The following SLC5A7 variants were observed in gnomAD, a reference collection of about 807,000 sequenced individuals.
The protein encoded by SLC5A7 is high affinity choline transporter 1.
A neutral mutation model predicts 55.4 loss-of-function variants in SLC5A7; 19 were observed. The observed-to-expected ratio is 0.34, with a 90% CI of 0.24 to 0.50. The LOEUF (loss-of-function observed/expected upper bound fraction) is 0.50. SLC5A7 is among the 20% of genes least tolerant of loss of function. The pLI, the probability that SLC5A7 is intolerant of heterozygous loss-of-function variation, is 0.98. For synonymous variants in SLC5A7, 265 were observed against 263.7 expected, an observed-to-expected ratio of 1.00 and a Z score of -0.05; for missense variants, 506 against 705.3, an observed-to-expected ratio of 0.72 and a Z score of 3.20.
intron 6 of SLC5A7, among the ~76,000 whole-genome samples, chr2:108,005,497 G>A (rs796400860): frequency 1.7e-4 from 26 of 152,316 alleles, no homozygotes; most frequent in African/African-American, 6.3e-4. Context: ...AATAATTGCT[G>A]TATGTAATTA....
intron 4 of SLC5A7, among the ~76,000 whole-genome samples, chr2:107,994,513 G>A (rs1367927510): frequency 2.6e-5 from 4 of 152,140 alleles, no homozygotes; most frequent in African/African-American, 7.2e-5. Context: ...GTGAACCCGG[G>A]AGGCAGAGCT....
chr2:107,989,648 C>T (rs943660773), intron 2 of SLC5A7, among the ~76,000 whole-genome samples: 4 of 152,248 alleles, frequency 2.6e-5, no homozygotes, highest in South Asian at 4.2e-4. Context: ...GCAAGTACTG[C>T]GTCATGCTGG....
At position 108,010,440 on chromosome 2, in the gene SLC5A7, C is replaced by T. The variant is rs754554826; in HGVS notation, c.1322C>T (p.Ser441Phe). ...NTYGAVAGYV[S>F]GLFLRITGGE... The stretch of plus-strand genomic sequence containing the variant: ...TATGGGGCCGTGGCAGGTTATGTTT[C>T]TGGCCTCTTCCTGAGAATAACTGGA... The change falls in exon 9 of 9, where the codon TCT becomes TTT. Residue 441 changes from serine to phenylalanine, a missense_variant. Transcript: ENST00000264047. 1.6e-5 allele frequency: 26 copies of T among 1,613,786 alleles called. No homozygotes were observed. The Admixed American group carries it at 2.5e-4, about 16-fold the overall frequency.
At position 108,011,812 on chromosome 2, in the gene SLC5A7, C is replaced by T. The variant is rs545273673; in HGVS notation, c.*951C>T. On this transcript the variant is annotated 3_prime_UTR_variant, in exon 9 of 9. Coordinates refer to ENST00000264047, the MANE Select transcript of SLC5A7 (RefSeq NM_021815.5). Reference sequence around the variant, plus strand: ...AATGAGAGGCACACTGCTAAATTTACGTATATTTCATTGAATACTTTATGG... The same window carrying T: ...AATGAGAGGCACACTGCTAAATTTATGTATATTTCATTGAATACTTTATGG... 2 of 152,102 alleles carry T rather than the reference C, an allele frequency of 1.3e-5. No homozygotes were observed. Among genetic ancestry groups the T allele is most frequent in the African/African-American group, 2.4e-5 (1 of 41,424 alleles). 9.4% of individuals were successfully genotyped at this position (152,102 alleles called of 1,614,324 possible).
intron 6 of SLC5A7, 104 bp downstream of exon 6, chr2:108,002,144 A>T (rs1417353418): frequency 4.4e-6 from 6 of 1,357,338 alleles, no homozygotes; most frequent in Admixed American, 2.2e-5. Flanking sequence ...TTGTGGGCTC[A>T]TGGCCATTTC....
rs550627398 is a variant in SLC5A7 at position 108,013,663 on chromosome 2, A to C, written c.*2802A>C. On this transcript the variant is annotated 3_prime_UTR_variant, in exon 9 of 9. Coordinates refer to ENST00000264047, the MANE Select transcript of SLC5A7 (RefSeq NM_021815.5). ...GAAACATTTAGACAATGGCTATATT[A>C]ATCTGGGAAGGCAACACCTGTGGAT... 1 of 152,314 alleles carries C rather than the reference A, an allele frequency of 6.6e-6. No homozygotes were observed. Among genetic ancestry groups the C allele is most frequent in the South Asian group, 2.1e-4 (1 of 4,832 alleles). The allele number at this position is 152,314 out of a possible 1,614,324, so 9.4% of individuals were successfully genotyped here.
At chr2:108,001,672 C>CAAAA (rs71309338) in intron 5 of SLC5A7, among the ~76,000 whole-genome samples, 5 of 75,402 alleles carry the variant, frequency 6.6e-5, no homozygotes, top group Non-Finnish European at 1.2e-4. Flanking sequence ...GACTCCGTCT[C>CAAAA]AAAAAAAAAA....
At chr2:108,006,803 C>T (rs1023797722) in intron 7 of SLC5A7, among the ~76,000 whole-genome samples, 1 of 152,086 alleles carries the variant, frequency 6.6e-6, no homozygotes, top group African/African-American at 2.4e-5. Context: ...GAGTCACAGG[C>T]TTAGAGACGT....
intron 4 of SLC5A7, among the ~76,000 whole-genome samples, chr2:107,997,020 A>C (rs186420060): frequency 5.3e-5 from 8 of 152,342 alleles, no homozygotes; most frequent in Admixed American, 3.3e-4. Flanking sequence ...TTTGTTAGCT[A>C]TCAAAGCCTA....
chr2:107,996,374 A>C (rs796164621), intron 4 of SLC5A7, among the ~76,000 whole-genome samples: 13 of 152,288 alleles, frequency 8.5e-5, no homozygotes, highest in African/African-American at 3.1e-4. Context: ...TCTGGAAAAT[A>C]ATTCTATTTT....
rs780038508 is a variant in SLC5A7, at chr2:108,006,214, G to A, written c.895+12G>A. 22 of 1,613,286 alleles carry A rather than the reference G, an allele frequency of 1.4e-5. No homozygotes were observed. In the South Asian group the frequency reaches 2.4e-4, roughly 18 times the overall value. ...TGGAGCATCAACAGGTAAATCTCTT[G>A]CAGCTTCACCACATGTGCCAGTTAG... On this transcript the variant is annotated intron_variant, in intron 7 of 8. Transcript: ENST00000264047.
At chr2:107,999,608 A>C (rs1383052933) in intron 5 of SLC5A7, among the ~76,000 whole-genome samples, 2 of 152,174 alleles carry the variant, frequency 1.3e-5, no homozygotes, top group Non-Finnish European at 2.9e-5. Context: ...AAGACTAAAT[A>C]ATGTTGTTTT....
At chr2:107,991,753 C>A (rs1330687441) in intron 2 of SLC5A7, among the ~76,000 whole-genome samples, 1 of 152,020 alleles carries the variant, frequency 6.6e-6, no homozygotes, top group Non-Finnish European at 1.5e-5. Context: ...GCTGCTGACT[C>A]AATGCATTTA....
intron 5 of SLC5A7, among the ~76,000 whole-genome samples, chr2:108,000,750 A>G (rs1677856592): frequency 1.3e-5 from 2 of 152,076 alleles, no homozygotes; most frequent in South Asian, 4.2e-4. Context: ...GTGCACCACC[A>G]CATCTGGCTG....
At chr2:108,009,218 C>T (rs1678226335) in intron 8 of SLC5A7, among the ~76,000 whole-genome samples, 1 of 152,030 alleles carries the variant, frequency 6.6e-6, no homozygotes, top group African/African-American at 2.4e-5. Flanking sequence ...TTTCCTCTCT[C>T]TAGGTTTTAG....
At chr2:108,000,316 A>T (rs1677833017) in intron 5 of SLC5A7, among the ~76,000 whole-genome samples, 1 of 152,060 alleles carries the variant, frequency 6.6e-6, no homozygotes, top group South Asian at 2.1e-4. Flanking sequence ...ATATTTTCTT[A>T]TTACTTTAAT....
At chr2:107,995,263 T>C (rs1248902581) in intron 4 of SLC5A7, among the ~76,000 whole-genome samples, 1 of 152,208 alleles carries the variant, frequency 6.6e-6, no homozygotes, top group Non-Finnish European at 1.5e-5. Context: ...GCAATAGGAC[T>C]TTTTCAGCTT....
chr2:107,990,183 A>G (rs548281628), intron 2 of SLC5A7, among the ~76,000 whole-genome samples: 14 of 152,246 alleles, frequency 9.2e-5, no homozygotes, highest in Admixed American at 2.0e-4. Context: ...CAAAATATAC[A>G]AACAAGGAGA....
In SLC5A7 at chr2:108,006,201, A is replaced by T. The variant is rs1678115722; in HGVS notation, c.894A>T (p.Thr298=). The part of the protein sequence containing the change: ...AILIGAIGAS[T]DWNQTAYGLP... Reference sequence around the variant, plus strand: ...TCATTGGGGCCATTGGAGCATCAACAGGTAAATCTCTTGCAGCTTCACCAC... The same window carrying T: ...TCATTGGGGCCATTGGAGCATCAACTGGTAAATCTCTTGCAGCTTCACCAC... Residue 298 remains threonine (T), a splice_region_variant and synonymous_variant, in exon 7 of 9, where the codon ACA becomes ACT. Coordinates refer to ENST00000264047, the MANE Select transcript of SLC5A7 (RefSeq NM_021815.5). The T allele has an allele frequency of 1.9e-6, 3 of 1,613,838 alleles. No individual in the cohort carries two copies. Among genetic ancestry groups the T allele is most frequent in the Non-Finnish European group, 2.5e-6 (3 of 1,179,908 alleles).
Sources: allele counts gnomAD v4.1 joint callset (sites outside exome capture counted in the v4.1 genomes callset), GRCh38; gene constraint gnomAD v4.1.1; transcripts MANE v1.5; gene names NCBI Gene and HGNC (gene_info 2026-07-23, HGNC 2026-07-21).